PHF21B: variants seen among roughly 807,000 people sequenced by gnomAD.
PHF21B encodes the protein PHD finger protein 21B.
In PHF21B, 22 loss-of-function variants were observed where a neutral mutation model predicts 62.2. That is an observed-to-expected ratio of 0.35 (90% CI 0.25 to 0.51). PHF21B has a LOEUF of 0.51. Among genes scored for constraint, PHF21B ranks in the 20% least tolerant of loss-of-function variants. The pLI, the probability that PHF21B is intolerant of heterozygous loss-of-function variation, is 0.97. For missense variants in PHF21B, 701 were observed against 707.9 expected, an observed-to-expected ratio of 0.99 and a Z score of 0.11; for synonymous variants, 341 against 314.7, an observed-to-expected ratio of 1.08 and a Z score of -0.88.
chr22:44,923,815 C>A, intron 2 of PHF21B, among the ~76,000 whole-genome samples: 1 of 151,446 alleles, frequency 6.6e-6, no homozygotes, highest in East Asian at 1.9e-4. Context: ...GCCAGGAGTT[C>A]AAAACCAGCC....
At chr22:44,925,125 C>T (rs1464903085) in intron 2 of PHF21B, among the ~76,000 whole-genome samples, 1 of 152,142 alleles carries the variant, frequency 6.6e-6, no homozygotes, top group Non-Finnish European at 1.5e-5. Flanking sequence ...AAATAAATCC[C>T]AGGTTTTGTG....
At chr22:44,910,340 G>A (rs2071323545) in intron 5 of PHF21B, among the ~76,000 whole-genome samples, 1 of 152,272 alleles carries the variant, frequency 6.6e-6, no homozygotes, top group South Asian at 2.1e-4. Flanking sequence ...CAGCACTTTC[G>A]GAGGCTGAGG....
At chr22:44,957,928 G>C (rs1361989360) in intron 2 of PHF21B, among the ~76,000 whole-genome samples, 1 of 147,440 alleles carries the variant, frequency 6.8e-6, no homozygotes, top group Non-Finnish European at 1.5e-5. Context: ...TTGAGATGGA[G>C]TTTCGCTCTT....
chr22:44,943,644 GT>G (rs1378021542), intron 2 of PHF21B, among the ~76,000 whole-genome samples: 1 of 152,154 alleles, frequency 6.6e-6, no homozygotes, highest in South Asian at 2.1e-4. Flanking sequence ...CACCCCCTTT[GT>G]AAAGCAAACA....
intron 2 of PHF21B, among the ~76,000 whole-genome samples, chr22:44,961,756 GC>G (rs765994750): frequency 2.9e-4 from 44 of 151,872 alleles, no homozygotes; most frequent in Non-Finnish European, 4.4e-4. Context: ...CAGGAAAATC[GC>G]TTGAACCAGC....
intron 8 of PHF21B, among the ~76,000 whole-genome samples, chr22:44,890,588 C>G (rs918263908): frequency 6.6e-6 from 1 of 152,218 alleles, no homozygotes; most frequent in South Asian, 2.1e-4. Flanking sequence ...GAAAGCTACA[C>G]AGAATCCCAG....
intron 2 of PHF21B, among the ~76,000 whole-genome samples, chr22:44,927,907 A>G (rs992371123): frequency 2.6e-5 from 4 of 152,162 alleles, no homozygotes; most frequent in African/African-American, 9.7e-5. Context: ...AAAACGGGCC[A>G]TAACAGTCAA....
chr22:44,943,892 A>G (rs2072012160), intron 2 of PHF21B, among the ~76,000 whole-genome samples: 1 of 152,182 alleles, frequency 6.6e-6, no homozygotes, highest in African/African-American at 2.4e-5. Context: ...TCCTCCTAGC[A>G]ACTGGGTCTC....
intron 2 of PHF21B, among the ~76,000 whole-genome samples, chr22:44,959,211 C>T (rs2072367789): frequency 6.6e-6 from 1 of 152,230 alleles, no homozygotes; most frequent in Admixed American, 6.5e-5. Context: ...ACGAGGCTCG[C>T]ATGCCTTCTG....
At position 45,008,189 on chromosome 22, in the gene PHF21B, C is replaced by A. The variant is rs375303959; in HGVS notation, c.120+356G>T. 3.1e-4 allele frequency: 63 copies of A among 200,424 alleles called. 2 individuals are homozygous for A. The highest frequency in any genetic ancestry group is 2.9e-3 in the East Asian group (27 of 9,182). 12.4% of individuals were successfully genotyped at this position (200,424 alleles called of 1,614,324 possible). A position where few individuals can be genotyped will look rare whatever the true frequency, so the allele number is the denominator to read the frequency against. ...GAGTTTGGTGTCCAGGCCCCCACGG[C>A]CGCCCCCCTCCGCCCCCATGGCCGC... On this transcript the variant is annotated intron_variant, in intron 2 of 12. Coordinates refer to ENST00000313237, the MANE Select transcript of PHF21B (RefSeq NM_138415.5).
rs749449889 is a variant in PHF21B, at chr22:44,885,935, A to C, written c.1201T>G (p.Leu401Val). The C allele has an allele frequency of 3.1e-6, 5 of 1,613,862 alleles. No individual in the cohort carries two copies. Among genetic ancestry groups the C allele is most frequent in the Middle Eastern group, 3.3e-4 (2 of 6,082 alleles). Residue 401 changes from leucine (L) to valine (V), a missense_variant, in exon 11 of 13, where the codon TTA (leucine) becomes GTA (valine). Transcript: ENST00000313237. ...WVCPRCQQKA[L>V]KKDEGVPWTG... Reference sequence around the variant, plus strand: ...CAGGGCACACCCTCGTCTTTCTTTAAGGCCTGGGGAGCAGACGGGGAGATG... The same window carrying C: ...CAGGGCACACCCTCGTCTTTCTTTACGGCCTGGGGAGCAGACGGGGAGATG...
At chr22:45,007,923 G>C (rs1185735003) in intron 2 of PHF21B, among the ~76,000 whole-genome samples, 1 of 151,950 alleles carries the variant, frequency 6.6e-6, no homozygotes, top group Non-Finnish European at 1.5e-5. Flanking sequence ...GGGGGGAGCG[G>C]TCGCGCCTCC....
chr22:44,892,663 T>G (rs374964397), intron 7 of PHF21B, among the ~76,000 whole-genome samples: 1 of 152,172 alleles, frequency 6.6e-6, no homozygotes, highest in Non-Finnish European at 1.5e-5. Context: ...GCAAATGGCT[T>G]CCATCCCAGA....
At chr22:44,886,041 G>C (rs1327563738) in intron 10 of PHF21B, 103 bp from the exon 11 acceptor site, 1 of 1,066,062 alleles carries the variant, frequency 9.4e-7, no homozygotes, top group Non-Finnish European at 1.4e-6. Flanking sequence ...CCCTGTCTGA[G>C]CCACAGGGTC....
chr22:45,007,055 G>T (rs1434306752), intron 2 of PHF21B, among the ~76,000 whole-genome samples: 1 of 151,648 alleles, frequency 6.6e-6, no homozygotes, highest in African/African-American at 2.4e-5. Flanking sequence ...GCCCCCCTCC[G>T]GCGGGAATGG....
At chr22:44,996,606 T>C (rs1375278604) in intron 2 of PHF21B, among the ~76,000 whole-genome samples, 1 of 151,584 alleles carries the variant, frequency 6.6e-6, no homozygotes, top group Admixed American at 6.6e-5. Flanking sequence ...CCTACCCCGT[T>C]TGACTCTCTG....
intron 12 of PHF21B, among the ~76,000 whole-genome samples, chr22:44,884,426 C>T (rs572813955): frequency 1.5e-5 from 1 of 67,248 alleles, no homozygotes; most frequent in South Asian, 4.7e-4. Context: ...CCACCATGAT[C>T]ACCATTATCA....
chr22:44,930,299 C>T (rs1202366354), intron 2 of PHF21B, among the ~76,000 whole-genome samples: 1 of 152,202 alleles, frequency 6.6e-6, no homozygotes, highest in Non-Finnish European at 1.5e-5. Context: ...ATTGCCTCTA[C>T]CGTGTACTAG....
intron 5 of PHF21B, among the ~76,000 whole-genome samples, chr22:44,905,221 C>A (rs543222722): frequency 3.3e-5 from 5 of 152,304 alleles, no homozygotes; most frequent in Admixed American, 3.3e-4. Flanking sequence ...TCTGTCCCTG[C>A]CTGCTCCTAT....
Sources: gnomAD v4.1 joint callset for allele counts (sites outside exome capture counted in the v4.1 genomes callset) on GRCh38, gnomAD v4.1.1 for gene constraint, MANE v1.5 for transcripts, NCBI Gene and HGNC (gene_info 2026-07-23, HGNC 2026-07-21) for gene names.